Variants in MET observed in about 807,000 individuals in gnomAD.
MET encodes MET proto-oncogene, receptor tyrosine kinase.
MET carries 48 observed loss-of-function variants against 133.1 expected under a neutral mutation model. That is an observed-to-expected ratio of 0.36 (90% CI 0.29 to 0.46). The LOEUF (loss-of-function observed/expected upper bound fraction) is 0.46. MET is among the 20% of genes least tolerant of loss of function. The pLI, the probability that MET is intolerant of heterozygous loss-of-function variation, is 1.00. For missense variants in MET, 1,442 were observed against 1,695.9 expected (o/e 0.85, Z 2.63); for synonymous variants, 628 against 616.5 (o/e 1.02, Z -0.28).
intron 5 of MET, among the ~76,000 whole-genome samples, chr7:116,752,721 TTCTCAAATCATCACCC>T (rs1165953762): frequency 6.6e-6 from 1 of 152,234 alleles, no homozygotes; most frequent in East Asian, 1.9e-4. Context: ...TCTGCGTCTT[TTCTCAAATCATCACCC>T]AATCCGTTTG....
At chr7:116,685,043 T>A (rs955928599) in intron 1 of MET, among the ~76,000 whole-genome samples, 1 of 152,130 alleles carries the variant, frequency 6.6e-6, no homozygotes, top group African/African-American at 2.4e-5. Context: ...GTCCTAGAAA[T>A]ATGGGACATG....
chr7:116,788,538 A>T (rs896669386), intron 19 of MET, among the ~76,000 whole-genome samples: 3 of 152,218 alleles, frequency 2.0e-5, no homozygotes, highest in Admixed American at 6.5e-5. Context: ...ACAGTCACTC[A>T]GATACTTGAC....
chr7:116,759,338 A>G, intron 9 of MET, 53 bp from the exon 10 acceptor site: 1 of 1,586,630 alleles, frequency 6.3e-7, no homozygotes, highest in Non-Finnish European at 8.6e-7. Flanking sequence ...CTCTTACAGT[A>G]CTTGGTGGAA....
At chr7:116,787,957 A>G (rs963845321) in intron 19 of MET, among the ~76,000 whole-genome samples, 1 of 152,228 alleles carries the variant, frequency 6.6e-6, no homozygotes, top group African/African-American at 2.4e-5. Flanking sequence ...GATAAAAAAA[A>G]AATGTGGTGT....
rs942322578 is a variant in MET, at chr7:116,763,055, T to C, written c.2370T>C (p.Cys790=). 2.5e-6 allele frequency: 4 copies of C among 1,613,646 alleles called. No individual in the cohort carries two copies. Among genetic ancestry groups the C allele is most frequent in the Non-Finnish European group, 3.4e-6 (4 of 1,179,710 alleles). Reference sequence around the variant, plus strand: ...ATAATTGTGTCTTTCTCTAGGCATGTCAACATCGCTCTAATTCAGAGATAA... The same window carrying C: ...ATAATTGTGTCTTTCTCTAGGCATGCCAACATCGCTCTAATTCAGAGATAA... The part of the protein sequence containing the change: ...HEAGRNFTVA[C]QHRSNSEIIC... The change falls in exon 11 of 21, where the codon TGT becomes TGC. Residue 790 remains cysteine (C), a synonymous_variant. Coordinates refer to ENST00000397752, the MANE Select transcript of MET (RefSeq NM_000245.4).
At chr7:116,717,142 C>T (rs1181347874) in intron 2 of MET, among the ~76,000 whole-genome samples, 1 of 152,192 alleles carries the variant, frequency 6.6e-6, no homozygotes, top group African/African-American at 2.4e-5. Flanking sequence ...TGGTCAGATT[C>T]TTAGGGTTTG....
chr7:116,681,692 T>C (rs1796364699), intron 1 of MET, among the ~76,000 whole-genome samples: 1 of 152,240 alleles, frequency 6.6e-6, no homozygotes, highest in Non-Finnish European at 1.5e-5. Context: ...TTTCATCTGA[T>C]TCTGCCCTCA....
chr7:116,678,872 T>G lies in MET; in HGVS notation c.-15+6295T>G, dbSNP rs1796251603. ...GTATGTCCCTCTAAGCTCTTTGATGTCCAAGAGATCTCTAAAATTGTGTAA... is the reference window on the plus strand; with the variant it reads ...GTATGTCCCTCTAAGCTCTTTGATGGCCAAGAGATCTCTAAAATTGTGTAA... On this transcript the variant is annotated intron_variant, in intron 1 of 20. Transcript: ENST00000397752. 2.0e-5 allele frequency among the ~76,000 whole-genome samples: 3 copies of G among 152,158 alleles called. 1 individual carries two copies. The South Asian group carries it at 6.2e-4, about 32-fold the overall frequency.
chr7:116,790,327 A>G (rs892542970), intron 19 of MET, among the ~76,000 whole-genome samples: 1 of 152,144 alleles, frequency 6.6e-6, no homozygotes, highest in Non-Finnish European at 1.5e-5. Flanking sequence ...GAGTTTGACT[A>G]CTTCAGATAC....
chr7:116,729,835 A>G (rs1309479864), intron 2 of MET, among the ~76,000 whole-genome samples: 4 of 152,122 alleles, frequency 2.6e-5, no homozygotes, highest in African/African-American at 9.7e-5. Flanking sequence ...ATATCTCCAT[A>G]CTCATCCCCC....
chr7:116,737,869 T>C (rs1038809715), intron 3 of MET, among the ~76,000 whole-genome samples: 4 of 152,188 alleles, frequency 2.6e-5, no homozygotes, highest in African/African-American at 9.7e-5. Context: ...GATGATGACC[T>C]AGTAATTAAG....
chr7:116,785,105 C>T (rs1329741031), intron 19 of MET, among the ~76,000 whole-genome samples: 1 of 152,216 alleles, frequency 6.6e-6, no homozygotes, highest in South Asian at 2.1e-4. Context: ...TGTCTCATAT[C>T]CAGGGCACGC....
At position 116,796,026 on chromosome 7, in the gene MET, G is replaced by A. The variant is rs752669237; in HGVS notation, c.4075G>A (p.Val1359Ile). 72 of 1,613,842 alleles carry A rather than the reference G, an allele frequency of 4.5e-5. No homozygotes were observed. Among genetic ancestry groups the A allele is most frequent in the Non-Finnish European group, 5.4e-5 (64 of 1,179,916 alleles). ...CCATGTGAACGCTACTTATGTGAAC[G>A]TAAAATGTGTCGCTCCGTATCCTTC... ...YVHVNATYVN[V>I]KCVAPYPSLL... is the part of the protein sequence containing the mutation. The change falls in exon 21 of 21, where the codon GTA becomes ATA. Residue 1359 changes from valine to isoleucine, a missense_variant. By Grantham distance (29) the Val-to-Ile change is conservative (BLOSUM62 3). Transcript: ENST00000397752.
At chr7:116,684,373 G>A (rs1030879760) in intron 1 of MET, among the ~76,000 whole-genome samples, 5 of 152,222 alleles carry the variant, frequency 3.3e-5, no homozygotes, top group African/African-American at 1.2e-4. Flanking sequence ...TAAGTGCCAT[G>A]TAATGACACT....
In MET at chr7:116,721,259, C is replaced by A. The variant is rs374809300; in HGVS notation, c.1201-10409C>A. On this transcript the variant is annotated intron_variant, in intron 2 of 20. Transcript: ENST00000397752. The stretch of plus-strand genomic sequence containing the variant: ...AATTTATCCATTTCTTCTAGATTTT[C>A]TAGTTTATTTGCGTAGAAGTGTTTG... Among the ~76,000 whole-genome samples the A allele has an allele frequency of 5.9e-5, 9 of 152,190 alleles. No homozygotes were observed. The East Asian group carries it at 1.3e-3, about 23-fold the overall frequency.
At chr7:116,732,611 T>A (rs1193700346) in intron 3 of MET, among the ~76,000 whole-genome samples, 1 of 152,130 alleles carries the variant, frequency 6.6e-6, no homozygotes, top group East Asian at 1.9e-4. Context: ...GACAATAGCA[T>A]CTATGGAAAT....
At chr7:116,758,905 T>G (rs1427003410) in intron 9 of MET, among the ~76,000 whole-genome samples, 1 of 152,188 alleles carries the variant, frequency 6.6e-6, no homozygotes, top group Non-Finnish European at 1.5e-5. Context: ...TGCACTTACA[T>G]TATGTACATA....
In MET at chr7:116,699,546, A is replaced by G. The variant is rs771146873; in HGVS notation, c.462A>G (p.Ile154Met). 9.9e-6 allele frequency: 16 copies of G among 1,613,918 alleles called. No homozygotes were observed. The highest frequency in any genetic ancestry group is 1.4e-5 in the Non-Finnish European group (16 of 1,179,950). The change falls in exon 2 of 21, where the codon ATA becomes ATG. Residue 154 changes from isoleucine (I) to methionine (M), a missense_variant. Physicochemically the swap from Ile to Met is conservative, Grantham distance 10. This residue lies in a region of MET where 762 missense variants were observed against 792.4 expected (regional missense o/e 0.96). Coordinates refer to ENST00000397752, the MANE Select transcript of MET (RefSeq NM_000245.4). ...HVFPHNHTAD[I>M]QSEVHCIFSP... ...TTCCCCACAATCATACTGCTGACAT[A>G]CAGTCGGAGGTTCACTGCATATTCT...
intron 2 of MET, among the ~76,000 whole-genome samples, chr7:116,721,549 C>A (rs533308073): frequency 5.6e-4 from 86 of 152,220 alleles, no homozygotes; most frequent in African/African-American, 1.9e-3. Context: ...TTTGCTCTTG[C>A]TTTTCTAGTT....
Sources: gnomAD v4.1 joint callset for allele counts (sites outside exome capture counted in the v4.1 genomes callset) on GRCh38, gnomAD v4.1.1 for gene constraint, gnomAD v4.1.1 regional missense constraint, MANE v1.5 for transcripts, NCBI Gene and HGNC (gene_info 2026-07-23, HGNC 2026-07-21) for gene names.